LARP1B: variants seen among roughly 807,000 people sequenced by gnomAD.
LARP1B encodes the protein la-related protein 1B.
LARP1B carries 76 observed loss-of-function variants against 114.2 expected under a neutral mutation model. That is an observed-to-expected ratio of 0.67 (90% confidence interval 0.55 to 0.81). The LOEUF is 0.81. Among genes scored for constraint, LARP1B ranks in the 30% least tolerant of loss-of-function variants. The pLI is 0.00. For synonymous variants in LARP1B, 345 were observed against 348.0 expected (o/e 0.99, Z 0.10); for missense variants, 1,014 against 1,075.8 (o/e 0.94, Z 0.80).
chr4:128,163,457 T>C (rs1463342128), intron 12 of LARP1B, among the ~76,000 whole-genome samples: 1 of 152,152 alleles, frequency 6.6e-6, no homozygotes, highest in Non-Finnish European at 1.5e-5. Flanking sequence ...TGATGATCAG[T>C]GAGTGAAGCT....
intron 4 of LARP1B, among the ~76,000 whole-genome samples, chr4:128,078,957 C>A (rs1243680186): frequency 3.3e-5 from 5 of 152,084 alleles, no homozygotes; most frequent in Admixed American, 2.6e-4. Flanking sequence ...ATTTTGAATA[C>A]CATGGGAAAC....
intron 11 of LARP1B, among the ~76,000 whole-genome samples, chr4:128,137,791 A>T (rs200090519): frequency 0.041 from 2,610 of 63,522 alleles, 38 homozygotes; most frequent in African/African-American, 0.065. Context: ...ATATATATAT[A>T]TTTTTTTTTT....
At chr4:128,083,404 C>T (rs1343545107) in intron 5 of LARP1B, among the ~76,000 whole-genome samples, 4 of 150,560 alleles carry the variant, frequency 2.7e-5, no homozygotes, top group South Asian at 2.1e-4. Context: ...TGGGCAGAGG[C>T]GCCCCTCACC....
chr4:128,136,678 A>G, intron 11 of LARP1B, among the ~76,000 whole-genome samples: 1 of 152,172 alleles, frequency 6.6e-6, no homozygotes, highest in East Asian at 1.9e-4. Flanking sequence ...TGGTACTTAG[A>G]CCTCCACTGG....
chr4:128,145,277 AG>A (rs1181464986), intron 11 of LARP1B, among the ~76,000 whole-genome samples: 1 of 152,142 alleles, frequency 6.6e-6, no homozygotes, highest in East Asian at 1.9e-4. Flanking sequence ...CTTATTCTCT[AG>A]ACTCGAGTGT....
Position 128,089,404 on chromosome 4 carries a change from C to T in LARP1B, c.359-1597C>T, listed in dbSNP as rs186351051. 4.8e-4 allele frequency among the ~76,000 whole-genome samples: 73 copies of T among 152,018 alleles called. No homozygotes were observed. The East Asian group carries it at 9.3e-3, about 19-fold the overall frequency. On this transcript the variant is annotated intron_variant, in intron 5 of 19. Coordinates refer to ENST00000326639, the MANE Select transcript of LARP1B (RefSeq NM_018078.4). ...AGGCTAGAGTGCAGTGGCGAGGTCT[C>T]GGCTCACTGCAACCTCTGCCTCCCA... is the stretch of plus-strand genomic sequence containing the variant.
At chr4:128,098,547 C>A (rs1778878403) in intron 8 of LARP1B, among the ~76,000 whole-genome samples, 1 of 150,824 alleles carries the variant, frequency 6.6e-6, no homozygotes, top group African/African-American at 2.4e-5. Flanking sequence ...TGTATTTTCT[C>A]CTTCCCCTCC....
chr4:128,103,996 T>A (rs553779108), intron 8 of LARP1B, among the ~76,000 whole-genome samples: 1 of 151,908 alleles, frequency 6.6e-6, no homozygotes, highest in African/African-American at 2.4e-5. Flanking sequence ...AATTTATACA[T>A]TATTATTATT....
intron 11 of LARP1B, among the ~76,000 whole-genome samples, chr4:128,141,297 C>T (rs987578158): frequency 1.1e-4 from 16 of 152,256 alleles, no homozygotes; most frequent in African/African-American, 3.4e-4. Flanking sequence ...AGCGTCTGGG[C>T]TCATGAGCTC....
At chr4:128,123,762 G>T in intron 11 of LARP1B, 2 of 949,154 alleles carry the variant, frequency 2.1e-6, no homozygotes, top group Non-Finnish European at 2.5e-6. Context: ...AATGTTTTCA[G>T]TCTGCCAAGT....
intron 9 of LARP1B, among the ~76,000 whole-genome samples, chr4:128,111,419 G>T (rs1784072533): frequency 6.6e-6 from 1 of 152,016 alleles, no homozygotes; most frequent in African/African-American, 2.4e-5. Flanking sequence ...AGTTCTCTGG[G>T]CCAGGTGCAG....
intron 8 of LARP1B, among the ~76,000 whole-genome samples, chr4:128,102,283 A>T (rs1349550672): frequency 6.6e-6 from 1 of 152,234 alleles, no homozygotes; most frequent in African/African-American, 2.4e-5. Flanking sequence ...TGTCCCTTGT[A>T]GCTCTGTGAC....
intron 11 of LARP1B, among the ~76,000 whole-genome samples, chr4:128,133,925 G>T (rs1320862309): frequency 2.6e-5 from 4 of 151,816 alleles, no homozygotes; most frequent in Non-Finnish European, 5.9e-5. Flanking sequence ...TTGAACTCCT[G>T]ACCTGAAGTG....
rs1476570402 is a variant in LARP1B, at chr4:128,084,160, G to T, written c.358+1855G>T. Among the ~76,000 whole-genome samples, 3 of 151,926 alleles carry T rather than the reference G, an allele frequency of 2.0e-5. No individual in the cohort carries two copies. In the East Asian group the frequency reaches 5.9e-4, roughly 30 times the overall value. ...CCAGACTGGGCAGCCAGGCAGAGGG[G>T]CTCCTCACGTCCCAGACAATGGGCG... On this transcript the variant is annotated intron_variant, in intron 5 of 19. Coordinates refer to ENST00000326639, the MANE Select transcript of LARP1B (RefSeq NM_018078.4).
intron 11 of LARP1B, among the ~76,000 whole-genome samples, chr4:128,129,154 G>C: frequency 9.7e-6 from 1 of 102,982 alleles, no homozygotes; most frequent in South Asian, 3.3e-4. Context: ...GACAGAGCGA[G>C]ACTCTGTCTC....
intron 8 of LARP1B, among the ~76,000 whole-genome samples, chr4:128,101,290 A>G (rs142506397): frequency 2.0e-5 from 3 of 151,458 alleles, no homozygotes; most frequent in East Asian, 2.0e-4. Context: ...CTTGGTCAAC[A>G]TGGTCAAACT....
intron 7 of LARP1B, among the ~76,000 whole-genome samples, chr4:128,094,435 CTG>C (rs949269076): frequency 7.3e-6 from 1 of 137,682 alleles, no homozygotes; most frequent in African/African-American, 2.8e-5. Flanking sequence ...TTGTCTCACT[CTG>C]TCGCCCAGGA....
chr4:128,107,871 A>T (rs1427774483), intron 9 of LARP1B: 1 of 1,535,804 alleles, frequency 6.5e-7, no homozygotes, highest in Non-Finnish European at 8.7e-7. Context: ...TGTGTGCTTA[A>T]ACTTTTTTCA....
intron 5 of LARP1B, among the ~76,000 whole-genome samples, chr4:128,087,430 A>G (rs554177113): frequency 1.9e-3 from 284 of 152,340 alleles, no homozygotes; most frequent in Middle Eastern, 3.4e-3. Flanking sequence ...AGGTAAATGT[A>G]TTTTGATTAA....
Sources: allele counts gnomAD v4.1 joint callset (sites outside exome capture counted in the v4.1 genomes callset), GRCh38; gene constraint gnomAD v4.1.1; transcripts MANE v1.5; gene names NCBI Gene and HGNC (gene_info 2026-07-23, HGNC 2026-07-21).